Variants in ACTR3C observed in about 807,000 individuals in gnomAD.
ACTR3C encodes actin related protein 3C.
In ACTR3C, 18 loss-of-function variants were observed where a neutral mutation model predicts 26.3. The ratio of observed to expected loss-of-function variants is 0.68; its 90% CI spans 0.47 to 1.01. ACTR3C has a LOEUF of 1.01. Among genes scored for constraint, ACTR3C ranks in the 50% least tolerant of loss-of-function variants. The pLI is 0.00. For missense variants in ACTR3C, 184 were observed against 250.7 expected, an observed-to-expected ratio of 0.73 and a Z score of 1.80; for synonymous variants, 55 against 94.5, an observed-to-expected ratio of 0.58 and a Z score of 2.42.
chr7:150,040,260 C>G, the ACTR3C span, among the ~76,000 whole-genome samples: 8 of 147,202 alleles, frequency 5.4e-5, no homozygotes, highest in African/African-American at 2.1e-4. Flanking sequence ...TGTTTAGAGA[C>G]GTAGGCTACC....
At chr7:150,114,959 T>G in the ACTR3C span, among the ~76,000 whole-genome samples, 3 of 152,140 alleles carry the variant, frequency 2.0e-5, no homozygotes, top group Non-Finnish European at 4.4e-5. Context: ...TTCTTTTTCA[T>G]AGTTAGATTT....
the ACTR3C span, among the ~76,000 whole-genome samples, chr7:149,913,190 C>T: frequency 3.3e-5 from 5 of 152,074 alleles, no homozygotes; most frequent in Non-Finnish European, 2.9e-5. Context: ...GACTGGCCTG[C>T]CCCATTAGAG....
chr7:150,234,679 T>C, the ACTR3C span, among the ~76,000 whole-genome samples: 1 of 152,244 alleles, frequency 6.6e-6, no homozygotes. Context: ...CTAATTCATC[T>C]ATCTTTGCAG....
the ACTR3C span, among the ~76,000 whole-genome samples, chr7:150,140,026 G>A: frequency 3.4e-5 from 5 of 148,574 alleles, no homozygotes; most frequent in South Asian, 4.3e-4. Flanking sequence ...GCACACACAC[G>A]TACACACATA....
chr7:150,203,076 C>T, the ACTR3C span, among the ~76,000 whole-genome samples: 6 of 152,304 alleles, frequency 3.9e-5, no homozygotes, highest in African/African-American at 1.4e-4. Flanking sequence ...GAAGTGGAGC[C>T]TTACCACTCA....
At position 150,315,021 on chromosome 7, in the gene ACTR3C, A is replaced by C. The variant is rs113389643; in HGVS notation, c.-52+8448T>G. ...TTAAATATTATTAAATAATAAAATA[A>C]TATTTATAAATAATATTAATAATTA... is the stretch of plus-strand genomic sequence containing the variant. On this transcript the variant is annotated intron_variant, in intron 1 of 7. Coordinates refer to ENST00000683684, the MANE Select transcript of ACTR3C (RefSeq NM_001164458.2). 4.0e-3 allele frequency among the ~76,000 whole-genome samples: 586 copies of C among 147,202 alleles called. 4 individuals are homozygous for C. The highest frequency in any genetic ancestry group is 0.014 in the African/African-American group (562 of 40,790).
At chr7:150,226,940 T>C in the ACTR3C span, among the ~76,000 whole-genome samples, 3 of 151,514 alleles carry the variant, frequency 2.0e-5, no homozygotes, top group African/African-American at 7.3e-5. Flanking sequence ...ATTAAGCAAA[T>C]TTGTATTTTG....
At chr7:149,930,712 T>C in the ACTR3C span, among the ~76,000 whole-genome samples, 35 of 152,274 alleles carry the variant, frequency 2.3e-4, no homozygotes, top group Non-Finnish European at 4.8e-4. Flanking sequence ...TTTCATATTG[T>C]AGACAGTTGT....
At chr7:150,278,954 T>C (rs1476778557) in intron 6 of ACTR3C, among the ~76,000 whole-genome samples, 4 of 152,250 alleles carry the variant, frequency 2.6e-5, no homozygotes, top group African/African-American at 9.6e-5. Context: ...TATGTATTTT[T>C]TTCTGATTTT....
chr7:149,976,306 G>A, the ACTR3C span, among the ~76,000 whole-genome samples: 1 of 152,166 alleles, frequency 6.6e-6, no homozygotes, highest in African/African-American at 2.4e-5. Flanking sequence ...CGGGCGCGGT[G>A]GCTCAAGCCT....
At chr7:150,090,978 A>G in the ACTR3C span, among the ~76,000 whole-genome samples, 1 of 152,092 alleles carries the variant, frequency 6.6e-6, no homozygotes, top group African/African-American at 2.4e-5. Context: ...AGAGCAGAAC[A>G]AAGGGCACCA....
chr7:149,938,941 ATATGTATATATAT>A, the ACTR3C span, among the ~76,000 whole-genome samples: 3 of 46,766 alleles, frequency 6.4e-5, no homozygotes, highest in Non-Finnish European at 1.3e-4. Context: ...ATATATAAAT[ATATGTATATATAT>A]AAAAATATAT....
At chr7:150,093,995 T>A in the ACTR3C span, among the ~76,000 whole-genome samples, 187 of 150,434 alleles carry the variant, frequency 1.2e-3, 6 homozygotes, top group Admixed American at 3.6e-3. Flanking sequence ...ATAGCCTCGG[T>A]TTTCTGGTGA....
At chr7:150,127,534 T>C in the ACTR3C span, among the ~76,000 whole-genome samples, 2 of 151,900 alleles carry the variant, frequency 1.3e-5, no homozygotes, top group African/African-American at 4.8e-5. Flanking sequence ...CAGCGTTTAA[T>C]TCTGCATGTG....
At chr7:149,949,856 GTT>G in the ACTR3C span, among the ~76,000 whole-genome samples, 1 of 147,744 alleles carries the variant, frequency 6.8e-6, no homozygotes, top group Admixed American at 6.6e-5. Context: ...GTGCAGGAGG[GTT>G]TTCTTTTTTC....
chr7:150,227,701 GT>G, the ACTR3C span, among the ~76,000 whole-genome samples: 8,218 of 94,222 alleles, frequency 0.087, 647 homozygotes, highest in African/African-American at 0.2. Context: ...TTTTTTTTTT[GT>G]TTTTTTTTTT....
intron 1 of ACTR3C, among the ~76,000 whole-genome samples, chr7:150,311,259 C>G (rs1796297930): frequency 6.6e-6 from 1 of 152,218 alleles, no homozygotes; most frequent in South Asian, 2.1e-4. Context: ...AGCTGAAATA[C>G]AAGGCTGTGC....
At chr7:149,967,869 G>T in the ACTR3C span, among the ~76,000 whole-genome samples, 1 of 151,722 alleles carries the variant, frequency 6.6e-6, no homozygotes, top group Admixed American at 6.6e-5. Context: ...AACTTCCCAG[G>T]CTTTTCTTCT....
At chr7:150,310,490 T>C (rs1016768274) in intron 1 of ACTR3C, among the ~76,000 whole-genome samples, 1 of 144,154 alleles carries the variant, frequency 6.9e-6, no homozygotes, top group Non-Finnish European at 1.5e-5. Flanking sequence ...TCAAGACCTT[T>C]GCCTCATAAA....
Sources: allele counts gnomAD v4.1 joint callset (sites outside exome capture counted in the v4.1 genomes callset), GRCh38; gene constraint gnomAD v4.1.1; transcripts MANE v1.5; gene names NCBI Gene and HGNC (gene_info 2026-07-23, HGNC 2026-07-21).